Variants in CALN1 observed in about 807,000 individuals in gnomAD.
CALN1 encodes the protein calneuron 1.
In CALN1, 17 loss-of-function variants were observed where a neutral mutation model predicts 30.6. The observed-to-expected ratio is 0.56, with a 90% CI of 0.38 to 0.83. The LOEUF (loss-of-function observed/expected upper bound fraction) is 0.83. Among genes scored for constraint, CALN1 ranks in the 40% least tolerant of loss-of-function variants. The pLI is 0.00. For missense variants in CALN1, 291 were observed against 354.9 expected, an observed-to-expected ratio of 0.82 and a Z score of 1.45; for synonymous variants, 156 against 131.4, an observed-to-expected ratio of 1.19 and a Z score of -1.28.
At chr7:72,454,709 T>A in the CALN1 span, among the ~76,000 whole-genome samples, 18 of 152,178 alleles carry the variant, frequency 1.2e-4, no homozygotes, top group African/African-American at 4.3e-4. Flanking sequence ...TCTCCACTCT[T>A]CCAGCACACC....
At chr7:71,823,495 G>A (rs895060344) in intron 5 of CALN1, among the ~76,000 whole-genome samples, 22 of 152,140 alleles carry the variant, frequency 1.4e-4, no homozygotes, top group African/African-American at 3.4e-4. Context: ...CAAGGCAGGC[G>A]GATCACAAGG....
intron 5 of CALN1, among the ~76,000 whole-genome samples, chr7:71,884,625 C>T (rs1792789750): frequency 6.6e-6 from 1 of 151,904 alleles, no homozygotes; most frequent in Admixed American, 6.6e-5. Flanking sequence ...GCGCAAATTC[C>T]CAGTTAAGGG....
chr7:72,278,534 G>C (rs73129558), intron 3 of CALN1, 152 bp downstream of exon 3: 71,758 of 981,876 alleles, frequency 0.073, 3,112 homozygotes, highest in Admixed American at 0.11. Context: ...GCAAAACTTT[G>C]TCTCTGAACT....
At position 72,403,456 on chromosome 7, in the gene CALN1, A is replaced by T. The variant is rs1289431108; in HGVS notation, c.-73-14T>A. On this transcript the variant is annotated splice_polypyrimidine_tract_variant and intron_variant, in intron 1 of 6. Transcript: ENST00000395275. ...GGCACTGAGACTCTGAAAGGAGTTGACAGAAACTTACAGCCTGCACAGTGC... is the reference window on the plus strand; with the variant it reads ...GGCACTGAGACTCTGAAAGGAGTTGTCAGAAACTTACAGCCTGCACAGTGC... The T allele has an allele frequency of 9.9e-7, 1 of 1,008,308 alleles. No individual in the cohort carries two copies. The highest frequency in any genetic ancestry group is 1.4e-6 in the Non-Finnish European group (1 of 691,280). 62.5% of individuals were successfully genotyped at this position (1,008,308 alleles called of 1,614,324 possible). A position where few individuals can be genotyped will look rare whatever the true frequency, so the allele number is the denominator to read the frequency against.
chr7:71,979,503 C>G (rs1003748496), intron 5 of CALN1, among the ~76,000 whole-genome samples: 5 of 152,076 alleles, frequency 3.3e-5, no homozygotes, highest in Non-Finnish European at 7.4e-5. Context: ...CTATGAGACT[C>G]TAACGCTGCC....
chr7:72,147,173 G>A (rs1288123886), intron 3 of CALN1, among the ~76,000 whole-genome samples: 2 of 152,170 alleles, frequency 1.3e-5, no homozygotes, highest in African/African-American at 2.4e-5. Flanking sequence ...CCATCAGAGT[G>A]AACAGGCAAC....
At chr7:72,106,356 A>G in intron 3 of CALN1, 62 bp from the exon 4 acceptor site, 3 of 1,597,762 alleles carry the variant, frequency 1.9e-6, no homozygotes, top group Non-Finnish European at 2.6e-6. Flanking sequence ...CACTGCAGTT[A>G]TTGGTGATTG....
At chr7:72,163,604 G>A (rs908189641) in intron 3 of CALN1, among the ~76,000 whole-genome samples, 6 of 151,928 alleles carry the variant, frequency 3.9e-5, no homozygotes, top group African/African-American at 9.7e-5. Context: ...ACAATGAACC[G>A]AATAAAAATT....
At chr7:71,995,574 C>T (rs533132509) in intron 5 of CALN1, among the ~76,000 whole-genome samples, 7 of 152,094 alleles carry the variant, frequency 4.6e-5, no homozygotes, top group African/African-American at 7.2e-5. Flanking sequence ...TTTGAGAGGC[C>T]GAGGTGGGTG....
intron 5 of CALN1, among the ~76,000 whole-genome samples, chr7:71,851,922 T>C (rs1241821435): frequency 6.6e-6 from 1 of 152,090 alleles, no homozygotes; most frequent in Non-Finnish European, 1.5e-5. Context: ...GCTTTTTTCC[T>C]GAGAGGATCT....
At chr7:72,425,090 G>C (rs574701618) in intron 1 of CALN1, among the ~76,000 whole-genome samples, 1 of 152,230 alleles carries the variant, frequency 6.6e-6, no homozygotes. Flanking sequence ...ACCTCAGAGA[G>C]GGGTAGGGTT....
At chr7:71,964,568 T>C (rs1035802518) in intron 5 of CALN1, among the ~76,000 whole-genome samples, 10 of 152,042 alleles carry the variant, frequency 6.6e-5, no homozygotes, top group Non-Finnish European at 1.3e-4. Context: ...ATCATTAATA[T>C]CATTTTCAAA....
At chr7:71,848,086 C>G (rs897832220) in intron 5 of CALN1, among the ~76,000 whole-genome samples, 2 of 152,154 alleles carry the variant, frequency 1.3e-5, no homozygotes, top group African/African-American at 4.8e-5. Flanking sequence ...GTTGTCTAGT[C>G]AAGGTAACAC....
intron 2 of CALN1, among the ~76,000 whole-genome samples, chr7:72,279,626 C>T (rs1306671349): frequency 2.0e-5 from 3 of 151,488 alleles, no homozygotes; most frequent in Admixed American, 6.6e-5. Context: ...CTCCAGGCTA[C>T]GGAAAAAAGA....
chr7:72,368,523 G>C (rs1303132322), intron 2 of CALN1, among the ~76,000 whole-genome samples: 3 of 151,610 alleles, frequency 2.0e-5, no homozygotes, highest in African/African-American at 4.9e-5. Context: ...AAAATACAAA[G>C]GAGAAATGAA....
chr7:72,131,473 T>TA (rs1359055967), intron 3 of CALN1, among the ~76,000 whole-genome samples: 1 of 152,174 alleles, frequency 6.6e-6, no homozygotes, highest in Admixed American at 6.5e-5. Flanking sequence ...TTTAAACTTT[T>TA]ACCAGGTATC....
intron 6 of CALN1, among the ~76,000 whole-genome samples, chr7:71,798,105 GAGAGACAGAGACAGAGAC>G (rs1562787863): frequency 1.3e-3 from 118 of 91,724 alleles, no homozygotes; most frequent in African/African-American, 7.1e-3. Context: ...GAGAGACAGA[GAGAGACAGAGACAGAGAC>G]AGAGAGAGAG....
chr7:72,280,262 C>A (rs1797647626), intron 2 of CALN1, among the ~76,000 whole-genome samples: 2 of 152,188 alleles, frequency 1.3e-5, no homozygotes, highest in Admixed American at 1.3e-4. Flanking sequence ...TGCTCGGGGC[C>A]CCAAAAAGTA....
At chr7:72,474,982 TCCC>T in the CALN1 span, among the ~76,000 whole-genome samples, 1 of 151,998 alleles carries the variant, frequency 6.6e-6, no homozygotes, top group South Asian at 2.1e-4. Context: ...CAGTACTTTG[TCCC>T]CCCCAAGCCT....
Sources: gnomAD v4.1 joint callset for allele counts (sites outside exome capture counted in the v4.1 genomes callset) on GRCh38, gnomAD v4.1.1 for gene constraint, MANE v1.5 for transcripts, NCBI Gene and HGNC (gene_info 2026-07-23, HGNC 2026-07-21) for gene names.